Variants in UTY observed in about 807,000 individuals in gnomAD.
UTY encodes histone demethylase UTY.
UTY carries 12 observed loss-of-function variants against 32.5 expected under a neutral mutation model. The observed-to-expected ratio is 0.37, with a 90% CI of 0.24 to 0.60. UTY has a LOEUF of 0.60. Among genes scored for constraint, UTY ranks in the 20% least tolerant of loss-of-function variants. The pLI is 0.69. For missense variants in UTY, 303 were observed against 299.2 expected (o/e 1.01, Z -0.09); for synonymous variants, 131 against 103.4 (o/e 1.27, Z -1.62).
intron 28 of UTY, among the ~76,000 whole-genome samples, chrY:13,256,179 C>T: frequency 3.0e-5 from 1 of 33,692 alleles, no homozygotes; most frequent in African/African-American, 1.2e-4. Context: ...TTGGATACAA[C>T]CTGCTCTAGG....
rs2054011221 is a variant in UTY at position 13,249,821 on chromosome Y, C to A, written c.*35G>T. The stretch of plus-strand genomic sequence containing the variant: ...AGTGGTGCAGAAATTTCCTGAAGAG[C>A]AGAAATAATCTCATTTAATATTCAT... On this transcript the variant is annotated 3_prime_UTR_variant, in exon 30 of 30. Transcript: ENST00000545955. 1 of 237,214 alleles carries A rather than the reference C, an allele frequency of 4.2e-6. No individual in the cohort carries two copies. The highest frequency in any genetic ancestry group is 8.0e-5 in the African/African-American group (1 of 12,432). The allele number at this position is 237,214 out of a possible 400,897, so 59.2% of individuals were successfully genotyped here. A position where few individuals can be genotyped will look rare whatever the true frequency, so the allele number is the denominator to read the frequency against.
intron 2 of UTY, among the ~76,000 whole-genome samples, chrY:13,478,499 C>T: frequency 3.0e-5 from 1 of 32,935 alleles, no homozygotes; most frequent in Non-Finnish European, 7.4e-5. Flanking sequence ...CTAAGGTTTC[C>T]GGGTTAATAC....
At chrY:13,239,992 G>C in intron 28 of UTY, among the ~76,000 whole-genome samples, 1 of 32,504 alleles carries the variant, frequency 3.1e-5, no homozygotes, top group Non-Finnish European at 7.6e-5. Flanking sequence ...AAAGAAATAG[G>C]AATACACAAA....
intron 27 of UTY, among the ~76,000 whole-genome samples, chrY:13,265,200 C>T: frequency 3.0e-5 from 1 of 33,476 alleles, no homozygotes; most frequent in African/African-American, 1.2e-4. Context: ...GTTCTTTTTG[C>T]TTAGGATTGC....
chrY:13,473,015 T>G (rs750344539), intron 2 of UTY, among the ~76,000 whole-genome samples: 94 of 33,861 alleles, frequency 2.8e-3, no homozygotes, highest in Non-Finnish European at 5.2e-3. Context: ...TCCCAGCACT[T>G]TGGGAGGCTG....
chrY:13,425,442 C>T, intron 4 of UTY, among the ~76,000 whole-genome samples: 1 of 34,034 alleles, frequency 2.9e-5, no homozygotes, highest in African/African-American at 1.2e-4. Flanking sequence ...GTGGACCACA[C>T]TGACTGGTGA....
intron 3 of UTY, among the ~76,000 whole-genome samples, chrY:13,459,969 A>T: frequency 3.0e-5 from 1 of 33,110 alleles, no homozygotes; most frequent in East Asian, 7.8e-4. Context: ...ATTATTTTTA[A>T]TATTTGTTTT....
intron 4 of UTY, among the ~76,000 whole-genome samples, chrY:13,436,633 A>C: frequency 3.1e-5 from 1 of 32,343 alleles, no homozygotes; most frequent in Non-Finnish European, 7.6e-5. Context: ...TTTCTGGGGA[A>C]TATGGAGTAA....
chrY:13,315,153 CAT>C (rs2059410264), intron 21 of UTY, among the ~76,000 whole-genome samples: 24 of 33,682 alleles, frequency 7.1e-4, no homozygotes, highest in African/African-American at 2.8e-3. Context: ...AAATGTGGTA[CAT>C]ACTTAATGGA....
At chrY:13,391,194 T>C (rs2067524615) in intron 8 of UTY, among the ~76,000 whole-genome samples, 3 of 33,468 alleles carry the variant, frequency 9.0e-5, no homozygotes, top group African/African-American at 2.3e-4. Flanking sequence ...CAAACAGGTA[T>C]AGTCTAATTT....
chrY:13,353,150 C>A (rs2062570830), intron 17 of UTY, among the ~76,000 whole-genome samples: 2 of 33,950 alleles, frequency 5.9e-5, no homozygotes, highest in Non-Finnish European at 1.5e-4. Context: ...GAAGTTAACA[C>A]CTGGTTTCAA....
intron 27 of UTY, among the ~76,000 whole-genome samples, chrY:13,295,261 AG>A (rs2057963561): frequency 1.8e-4 from 6 of 33,090 alleles, no homozygotes; most frequent in Non-Finnish European, 3.7e-4. Flanking sequence ...TAGCAAGACA[AG>A]GAACAGAAGA....
chrY:13,467,079 G>C, intron 3 of UTY, among the ~76,000 whole-genome samples: 1 of 33,331 alleles, frequency 3.0e-5, no homozygotes, highest in Non-Finnish European at 7.4e-5. Flanking sequence ...CTAATTTTTT[G>C]TATCTTTAGT....
intron 2 of UTY, among the ~76,000 whole-genome samples, chrY:13,472,405 T>TA (rs377130065): frequency 1.6e-3 from 39 of 25,025 alleles, no homozygotes; most frequent in Admixed American, 4.0e-3. Context: ...ATTAAAAAGA[T>TA]AAAAAAAAAA....
At chrY:13,338,345 T>TA (rs2061262111) in intron 17 of UTY, among the ~76,000 whole-genome samples, 1 of 27,968 alleles carries the variant, frequency 3.6e-5, no homozygotes, top group Non-Finnish European at 8.3e-5. Flanking sequence ...AACCTGTCTC[T>TA]AATAAAAATA....
chrY:13,377,580 C>T, intron 8 of UTY, among the ~76,000 whole-genome samples: 3 of 32,652 alleles, frequency 9.2e-5, no homozygotes, highest in Non-Finnish European at 2.2e-4. Context: ...GGCTTGGTGG[C>T]GGGCACCTGT....
intron 27 of UTY, among the ~76,000 whole-genome samples, chrY:13,280,497 G>A: frequency 3.0e-5 from 1 of 33,333 alleles, no homozygotes; most frequent in Non-Finnish European, 7.4e-5. Context: ...GTACAACAAC[G>A]TCACAGAATA....
intron 21 of UTY, among the ~76,000 whole-genome samples, chrY:13,318,193 G>GTAATAATAA (rs565680061): frequency 7.7e-4 from 19 of 24,788 alleles, no homozygotes; most frequent in African/African-American, 2.8e-3. Flanking sequence ...AGTAATAATA[G>GTAATAATAA]TAATAATAAT....
intron 6 of UTY, among the ~76,000 whole-genome samples, chrY:13,401,559 A>G (rs780728245): frequency 6.0e-5 from 2 of 33,556 alleles, no homozygotes; most frequent in South Asian, 1.4e-3. Flanking sequence ...ACAAGTCACT[A>G]CAGGATAGAA....
Sources: allele counts gnomAD v4.1 joint callset (sites outside exome capture counted in the v4.1 genomes callset), GRCh38; gene constraint gnomAD v4.1.1; transcripts MANE v1.5; gene names NCBI Gene and HGNC (gene_info 2026-07-23, HGNC 2026-07-21).